CNTNAP4: variants seen among roughly 807,000 people sequenced by gnomAD.
CNTNAP4 encodes the protein contactin associated protein family member 4.
A neutral mutation model predicts 148.4 loss-of-function variants in CNTNAP4; 98 were observed. The observed-to-expected ratio is 0.66, with a 90% confidence interval of 0.56 to 0.78. CNTNAP4 has a LOEUF of 0.78. CNTNAP4 is among the 30% of genes least tolerant of loss of function. The pLI is 0.00. For synonymous variants in CNTNAP4, 730 were observed against 565.1 expected (o/e 1.29, Z -4.14); for missense variants, 1,935 against 1,565.6 (o/e 1.24, Z -3.98).
At chr16:76,312,018 C>G (rs1049362462) in intron 1 of CNTNAP4, among the ~76,000 whole-genome samples, 1 of 152,142 alleles carries the variant, frequency 6.6e-6, no homozygotes, top group Non-Finnish European at 1.5e-5. Context: ...TTATTTGCAT[C>G]TGAAAATTAG....
intron 1 of CNTNAP4, among the ~76,000 whole-genome samples, chr16:76,302,861 C>T (rs1438318196): frequency 6.6e-6 from 1 of 152,140 alleles, no homozygotes; most frequent in Non-Finnish European, 1.5e-5. Flanking sequence ...AGGGAGGGCT[C>T]TATGCCACGA....
chr16:76,431,867 A>T (rs1012183495), intron 4 of CNTNAP4, among the ~76,000 whole-genome samples: 1 of 151,602 alleles, frequency 6.6e-6, no homozygotes, highest in Non-Finnish European at 1.5e-5. Context: ...AAGATGGGAA[A>T]TGAGACAATA....
chr16:76,306,203 C>T (rs1254215212), intron 1 of CNTNAP4, among the ~76,000 whole-genome samples: 4 of 152,136 alleles, frequency 2.6e-5, no homozygotes, highest in African/African-American at 9.7e-5. Context: ...GATCAAATAG[C>T]TCCGTTTTAA....
chr16:76,380,385 A>G (rs2015848773), intron 3 of CNTNAP4, among the ~76,000 whole-genome samples: 1 of 152,210 alleles, frequency 6.6e-6, no homozygotes, highest in African/African-American at 2.4e-5. Flanking sequence ...TCTCAGTCTC[A>G]TTGATAAAAA....
At chr16:76,448,656 C>T (rs1445007431) in intron 5 of CNTNAP4, 111 bp from the exon 6 acceptor site, 3 of 734,104 alleles carry the variant, frequency 4.1e-6, no homozygotes, top group African/African-American at 1.8e-5. Flanking sequence ...AAACGGAATG[C>T]GTAGAAGGAG....
chr16:76,392,335 G>A (rs1047004786), intron 3 of CNTNAP4, among the ~76,000 whole-genome samples: 4 of 152,024 alleles, frequency 2.6e-5, no homozygotes, highest in African/African-American at 7.3e-5. Flanking sequence ...TTAGGAAAAT[G>A]TTCCTAAACA....
intron 3 of CNTNAP4, among the ~76,000 whole-genome samples, chr16:76,383,220 G>A (rs2016167955): frequency 6.6e-6 from 1 of 151,640 alleles, no homozygotes; most frequent in Non-Finnish European, 1.5e-5. Flanking sequence ...ATTTAAGAAT[G>A]TTAGAATAAC....
At chr16:76,281,584 C>A (rs1039643255) in intron 1 of CNTNAP4, among the ~76,000 whole-genome samples, 2 of 151,866 alleles carry the variant, frequency 1.3e-5, no homozygotes, top group Non-Finnish European at 2.9e-5. Flanking sequence ...GAATTTATAT[C>A]ATATGTAAGC....
At chr16:76,362,969 A>T (rs1162459635) in intron 3 of CNTNAP4, among the ~76,000 whole-genome samples, 1 of 152,066 alleles carries the variant, frequency 6.6e-6, no homozygotes, top group African/African-American at 2.4e-5. Context: ...TATACCTGTA[A>T]TCCCAGCATT....
intron 1 of CNTNAP4, among the ~76,000 whole-genome samples, chr16:76,286,600 GA>G (rs1032741354): frequency 1.3e-5 from 2 of 152,094 alleles, no homozygotes; most frequent in African/African-American, 4.8e-5. Flanking sequence ...TATGTTGGGA[GA>G]GATTTTGGCT....
At chr16:76,529,871 G>GTGTA (rs1310499786) in intron 17 of CNTNAP4, among the ~76,000 whole-genome samples, 3 of 151,366 alleles carry the variant, frequency 2.0e-5, no homozygotes, top group South Asian at 4.2e-4. Context: ...GTGTGTGTGT[G>GTGTA]TAAACATGTG....
chr16:76,358,231 G>T (rs74842626), intron 3 of CNTNAP4, among the ~76,000 whole-genome samples: 3,184 of 152,258 alleles, frequency 0.021, 112 homozygotes, highest in African/African-American at 0.073. Context: ...AGCTACTTGG[G>T]AGGCTGAGAT....
At chr16:76,556,875 G>T (rs1357311558) in intron 23 of CNTNAP4, among the ~76,000 whole-genome samples, 6 of 152,116 alleles carry the variant, frequency 3.9e-5, no homozygotes, top group African/African-American at 7.2e-5. Context: ...CCAAAAATTG[G>T]CTTGGCTATT....
chr16:76,278,936 G>A (rs946662829), intron 1 of CNTNAP4, among the ~76,000 whole-genome samples: 1 of 152,146 alleles, frequency 6.6e-6, no homozygotes, highest in Non-Finnish European at 1.5e-5. Flanking sequence ...ATGTCACAGG[G>A]TATCCATCAC....
chr16:76,364,619 A>G (rs999614481), intron 3 of CNTNAP4, among the ~76,000 whole-genome samples: 1 of 152,004 alleles, frequency 6.6e-6, no homozygotes, highest in Non-Finnish European at 1.5e-5. Flanking sequence ...TGGCTGCTTC[A>G]TTCCCCAGGA....
chr16:76,468,872 G>A (rs905914255), intron 10 of CNTNAP4, among the ~76,000 whole-genome samples: 9 of 152,142 alleles, frequency 5.9e-5, no homozygotes, highest in African/African-American at 1.9e-4. Flanking sequence ...TAATTATTGA[G>A]TTTAATGGAA....
intron 3 of CNTNAP4, among the ~76,000 whole-genome samples, chr16:76,356,807 T>C (rs2012711927): frequency 6.6e-6 from 1 of 152,168 alleles, no homozygotes; most frequent in Admixed American, 6.6e-5. Context: ...AACTCCGTTA[T>C]ACATTATAAA....
chr16:76,278,455 G>A (rs1958565661), intron 1 of CNTNAP4, among the ~76,000 whole-genome samples: 1 of 152,150 alleles, frequency 6.6e-6, no homozygotes, highest in South Asian at 2.1e-4. Context: ...TGAATGTTCT[G>A]ATGAAATAGA....
At chr16:76,529,475 G>T (rs1265057187) in intron 17 of CNTNAP4, among the ~76,000 whole-genome samples, 1 of 152,188 alleles carries the variant, frequency 6.6e-6, no homozygotes. Flanking sequence ...CATTTTTAAA[G>T]CTGAAATGTG....
Sources: allele counts gnomAD v4.1 joint callset (sites outside exome capture counted in the v4.1 genomes callset), GRCh38; gene constraint gnomAD v4.1.1; transcripts MANE v1.5; gene names NCBI Gene and HGNC (gene_info 2026-07-23, HGNC 2026-07-21).